The following SERPINB7 variants were observed in gnomAD, a reference collection of about 807,000 sequenced individuals.
SERPINB7 encodes serpin B7.
SERPINB7 carries 31 observed loss-of-function variants against 37.4 expected under a neutral mutation model. The ratio of observed to expected loss-of-function variants is 0.83; its 90% CI spans 0.62 to 1.12. The LOEUF (loss-of-function observed/expected upper bound fraction) is 1.12, where lower values mean the gene tolerates loss of function less well. SERPINB7 is among the 50% of genes most tolerant of loss of function. The pLI, the probability that SERPINB7 is intolerant of heterozygous loss-of-function variation, is 0.00. For synonymous variants in SERPINB7, 163 were observed against 166.1 expected (o/e 0.98, Z 0.14); for missense variants, 521 against 455.3 (o/e 1.14, Z -1.31).
At chr18:63,754,932 G>A (rs2049112742) in intron 1 of SERPINB7, among the ~76,000 whole-genome samples, 1 of 113,796 alleles carries the variant, frequency 8.8e-6, no homozygotes, top group African/African-American at 3.5e-5. Flanking sequence ...TCGCTCTGTC[G>A]CCCAGGCCGG....
intron 2 of SERPINB7, among the ~76,000 whole-genome samples, chr18:63,785,898 TATACGTATATATACACATATA>T (rs2049360191): frequency 7.4e-6 from 1 of 134,256 alleles, no homozygotes; most frequent in African/African-American, 3.0e-5. Flanking sequence ...ATATATATAA[TATACGTATATATACACATATA>T]TAATATACGT....
intron 5 of SERPINB7, 79 bp downstream of exon 5, chr18:63,796,462 T>C (rs1042490279): frequency 1.3e-6 from 1 of 772,254 alleles, no homozygotes; most frequent in Non-Finnish European, 2.2e-6. Context: ...TGGGAGTCTT[T>C]TGTACATACA....
intron 1 of SERPINB7, among the ~76,000 whole-genome samples, chr18:63,755,758 G>C (rs559173452): frequency 3.5e-4 from 53 of 152,112 alleles, no homozygotes; most frequent in African/African-American, 1.2e-3. Context: ...GCTAGATATG[G>C]TGGTGTATAC....
At chr18:63,762,154 C>T (rs753129524) in intron 1 of SERPINB7, among the ~76,000 whole-genome samples, 5 of 152,146 alleles carry the variant, frequency 3.3e-5, no homozygotes, top group Non-Finnish European at 7.3e-5. Context: ...CCACAGTAAC[C>T]CTGCAATGTG....
In SERPINB7 at chr18:63,765,362, T is replaced by C. The variant is rs1470146904; in HGVS notation, c.-19+12242T>C. Among the ~76,000 whole-genome samples, 5 of 152,288 alleles carry C rather than the reference T, an allele frequency of 3.3e-5. No homozygotes were observed. The South Asian group carries it at 1.0e-3, about 32-fold the overall frequency. ...ACATTTTCTCCATCTCTGATGGCAC[T>C]CCGTGGTCCACATCACTATTATTTC... On this transcript the variant is annotated intron_variant, in intron 1 of 7. Coordinates refer to the SERPINB7 transcript ENST00000336429.
At chr18:63,762,609 T>A (rs2049160241) in intron 1 of SERPINB7, among the ~76,000 whole-genome samples, 1 of 152,176 alleles carries the variant, frequency 6.6e-6, no homozygotes, top group Non-Finnish European at 1.5e-5. Context: ...TGATTTGCCT[T>A]ATTTCCCCCC....
intron 1 of SERPINB7, among the ~76,000 whole-genome samples, chr18:63,775,966 G>A (rs1479352456): frequency 3.3e-5 from 5 of 151,966 alleles, no homozygotes; most frequent in Non-Finnish European, 5.9e-5. Context: ...TGTGACCCGT[G>A]GTCTCTTCCT....
chr18:63,783,104 G>C (rs150550884), intron 2 of SERPINB7, among the ~76,000 whole-genome samples: 3,653 of 151,108 alleles, frequency 0.024, 170 homozygotes, highest in African/African-American at 0.085. Context: ...CGCTACTGCA[G>C]TCCAGCCTGG....
chr18:63,788,241 G>A (rs1040737400), intron 2 of SERPINB7, among the ~76,000 whole-genome samples: 4 of 152,178 alleles, frequency 2.6e-5, no homozygotes, highest in African/African-American at 4.8e-5. Context: ...GTAATGCTCC[G>A]AAGACCTTTC....
intron 5 of SERPINB7, among the ~76,000 whole-genome samples, chr18:63,798,402 T>C (rs2049510573): frequency 1.3e-5 from 2 of 152,130 alleles, no homozygotes; most frequent in Non-Finnish European, 2.9e-5. Flanking sequence ...CTCACAGGGA[T>C]TATGTAAGGA....
chr18:63,758,008 G>T (rs1212944067), intron 1 of SERPINB7, among the ~76,000 whole-genome samples: 1 of 152,112 alleles, frequency 6.6e-6, no homozygotes, highest in African/African-American at 2.4e-5. Flanking sequence ...TTCATACTTT[G>T]TGTTACTATC....
At chr18:63,788,452 A>C (rs140512204) in intron 2 of SERPINB7, among the ~76,000 whole-genome samples, 20 of 152,364 alleles carry the variant, frequency 1.3e-4, no homozygotes, top group African/African-American at 4.8e-4. Flanking sequence ...TTTTAAGACT[A>C]GTGTTGTTAC....
At chr18:63,777,054 A>C (rs1368679892) in intron 1 of SERPINB7, among the ~76,000 whole-genome samples, 1 of 152,118 alleles carries the variant, frequency 6.6e-6, no homozygotes, top group Non-Finnish European at 1.5e-5. Context: ...GTGGGAAATA[A>C]TGTGTAAGAT....
At chr18:63,757,555 C>T (rs1333581074) in intron 1 of SERPINB7, among the ~76,000 whole-genome samples, 1 of 152,126 alleles carries the variant, frequency 6.6e-6, no homozygotes, top group Non-Finnish European at 1.5e-5. Flanking sequence ...TGGCTGGACA[C>T]CTGATTTTAT....
At position 63,798,497 on chromosome 18, in the gene SERPINB7, G is replaced by A. The variant is rs1251128009; in HGVS notation, c.455-107G>A. ...GGTTATTCTTAATATTCTTATTGGTGTTATTATGTGTTAAGAAAAAAACTT... is the reference window on the plus strand; with the variant it reads ...GGTTATTCTTAATATTCTTATTGGTATTATTATGTGTTAAGAAAAAAACTT... On this transcript the variant is annotated intron_variant, in intron 5 of 7. Coordinates refer to ENST00000398019, the MANE Select transcript of SERPINB7 (RefSeq NM_003784.4). 17 of 778,958 alleles carry A rather than the reference G, an allele frequency of 2.2e-5. 1 individual carries two copies. In the East Asian group the frequency reaches 3.3e-4, roughly 15 times the overall value. The allele number at this position is 778,958 out of a possible 1,614,324, so 48.3% of individuals were successfully genotyped here. A position where few individuals can be genotyped will look rare whatever the true frequency, so the allele number is the denominator to read the frequency against.
intron 1 of SERPINB7, 108 bp from the exon 2 acceptor site, chr18:63,782,247 G>T: frequency 1.4e-6 from 1 of 716,086 alleles, no homozygotes. Flanking sequence ...TTACCTCCAA[G>T]GCTGAAAAAA....
chr18:63,756,804 TTGTGTGTGTGTG>T (rs74169985), intron 1 of SERPINB7, among the ~76,000 whole-genome samples: 10 of 137,344 alleles, frequency 7.3e-5, no homozygotes, highest in South Asian at 5.3e-4. Context: ...TTGGGGTAGC[TTGTGTGTGTGTG>T]TGTGTGTGTG....
chr18:63,794,876 A>G lies in SERPINB7; in HGVS notation c.337-1390A>G, dbSNP rs2049471109. Among the ~76,000 whole-genome samples the G allele has an allele frequency of 2.0e-5, 3 of 152,212 alleles. No individual in the cohort carries two copies. In the South Asian group the frequency reaches 6.2e-4, roughly 32 times the overall value. On this transcript the variant is annotated intron_variant, in intron 4 of 7. Transcript: ENST00000398019. ...TTATCCTGCAGATAGACAAAGGACAACTAGTGAATCTTCATTATTAGGATG... is the reference window on the plus strand; with the variant it reads ...TTATCCTGCAGATAGACAAAGGACAGCTAGTGAATCTTCATTATTAGGATG...
At chr18:63,780,967 C>CGTCT (rs1260853248) in intron 1 of SERPINB7, among the ~76,000 whole-genome samples, 1 of 152,098 alleles carries the variant, frequency 6.6e-6, no homozygotes. Context: ...ACTCATTGAA[C>CGTCT]GTCTACTCTG....
Sources: allele counts gnomAD v4.1 joint callset (sites outside exome capture counted in the v4.1 genomes callset), GRCh38; gene constraint gnomAD v4.1.1; transcripts MANE v1.5; gene names NCBI Gene and HGNC (gene_info 2026-07-23, HGNC 2026-07-21).